AKAP6: variants seen among roughly 807,000 people sequenced by gnomAD.
The protein encoded by AKAP6 is A-kinase anchoring protein 6.
AKAP6 carries 58 observed loss-of-function variants against 188.5 expected under a neutral mutation model. The ratio of observed to expected loss-of-function variants is 0.31; its 90% CI spans 0.25 to 0.38. The LOEUF (loss-of-function observed/expected upper bound fraction) is 0.38, where lower values mean the gene tolerates loss of function less well. Among genes scored for constraint, AKAP6 ranks in the 10% least tolerant of loss-of-function variants. The pLI, the probability that AKAP6 is intolerant of heterozygous loss-of-function variation, is 1.00. For synonymous variants in AKAP6, 989 were observed against 998.6 expected (o/e 0.99, Z 0.18); for missense variants, 2,710 against 2,740.0 (o/e 0.99, Z 0.24).
chr14:32,831,563 C>T lies in AKAP6; in HGVS notation c.*1758C>T, dbSNP rs550350605. On this transcript the variant is annotated 3_prime_UTR_variant, in exon 14 of 14. Coordinates refer to ENST00000280979, the MANE Select transcript of AKAP6 (RefSeq NM_004274.5). The stretch of plus-strand genomic sequence containing the variant: ...CACTTTTTATCTGCAAGGCACTATT[C>T]TAGATCCAGAAGATGCAATGTTGAA... 7.9e-5 allele frequency: 12 copies of T among 152,220 alleles called. No individual in the cohort carries two copies. The highest frequency in any genetic ancestry group is 1.5e-4 in the Non-Finnish European group (10 of 68,044). 9.4% of individuals were successfully genotyped at this position (152,220 alleles called of 1,614,324 possible).
chr14:32,812,611 T>C (rs1254838319), intron 12 of AKAP6, among the ~76,000 whole-genome samples: 1 of 152,204 alleles, frequency 6.6e-6, no homozygotes, highest in Non-Finnish European at 1.5e-5. Context: ...TCAAGTTACT[T>C]CTAGTGAAAC....
At chr14:32,786,267 A>G (rs888028901) in intron 12 of AKAP6, among the ~76,000 whole-genome samples, 12 of 140,014 alleles carry the variant, frequency 8.6e-5, no homozygotes, top group Admixed American at 2.9e-4. Flanking sequence ...TTTCAGCTCT[A>G]CTTAGCCCTC....
chr14:32,691,918 C>G (rs998826660), intron 8 of AKAP6, among the ~76,000 whole-genome samples: 1 of 152,138 alleles, frequency 6.6e-6, no homozygotes, highest in African/African-American at 2.4e-5. Flanking sequence ...CAGGTCTTTT[C>G]CAACTTGTGG....
chr14:32,525,160 A>C (rs1594709171), intron 2 of AKAP6, among the ~76,000 whole-genome samples: 1 of 152,322 alleles, frequency 6.6e-6, no homozygotes, highest in Middle Eastern at 3.4e-3. Flanking sequence ...CATGTAGAAT[A>C]CTGAATGCAA....
intron 11 of AKAP6, among the ~76,000 whole-genome samples, chr14:32,762,922 A>C (rs1215796747): frequency 6.6e-6 from 1 of 152,098 alleles, no homozygotes; most frequent in African/African-American, 2.4e-5. Flanking sequence ...TTTAGACCTC[A>C]CTTATTTGTG....
intron 12 of AKAP6, among the ~76,000 whole-genome samples, chr14:32,791,468 CG>C (rs1242622927): frequency 2.6e-5 from 4 of 151,636 alleles, no homozygotes; most frequent in Admixed American, 2.6e-4. Context: ...TGGGGTGGGT[CG>C]TTTTTTTCTT....
chr14:32,426,636 G>A (rs1031052792), intron 1 of AKAP6, among the ~76,000 whole-genome samples: 1 of 152,124 alleles, frequency 6.6e-6, no homozygotes, highest in African/African-American at 2.4e-5. Flanking sequence ...TTGGGATGAG[G>A]GTGAGAAGTA....
intron 11 of AKAP6, among the ~76,000 whole-genome samples, chr14:32,747,240 G>C (rs1276316506): frequency 3.9e-5 from 6 of 152,130 alleles, no homozygotes; most frequent in Admixed American, 3.9e-4. Flanking sequence ...TGAAAGACAG[G>C]ATACAATGTT....
intron 4 of AKAP6, among the ~76,000 whole-genome samples, chr14:32,554,798 C>T (rs575840532): frequency 6.6e-6 from 1 of 152,284 alleles, no homozygotes; most frequent in South Asian, 2.1e-4. Flanking sequence ...TATGCCATCT[C>T]AGTGAAGCAT....
At chr14:32,510,464 A>ATATATATATACACATATATATACG (rs1566546951) in intron 2 of AKAP6, among the ~76,000 whole-genome samples, 9 of 70,084 alleles carry the variant, frequency 1.3e-4, no homozygotes, top group African/African-American at 4.8e-4. Context: ...ATATATGTGT[A>ATATATATATACACATATATATACG]TATATATATA....
At chr14:32,799,946 A>G (rs2033886137) in intron 12 of AKAP6, among the ~76,000 whole-genome samples, 2 of 151,500 alleles carry the variant, frequency 1.3e-5, no homozygotes, top group Non-Finnish European at 2.9e-5. Context: ...GTGGTGGCTC[A>G]TGCCTGTAAT....
intron 8 of AKAP6, among the ~76,000 whole-genome samples, chr14:32,690,927 C>A (rs1890153457): frequency 6.6e-6 from 1 of 152,138 alleles, no homozygotes; most frequent in South Asian, 2.1e-4. Context: ...CTTTATAACA[C>A]TTTCATAGAG....
chr14:32,372,464 T>G (rs1888037914), intron 1 of AKAP6, among the ~76,000 whole-genome samples: 1 of 152,108 alleles, frequency 6.6e-6, no homozygotes, highest in African/African-American at 2.4e-5. Flanking sequence ...GAAGTACTAG[T>G]CATCCAAATC....
chr14:32,603,417 T>C (rs1886012947), intron 7 of AKAP6, among the ~76,000 whole-genome samples: 1 of 152,112 alleles, frequency 6.6e-6, no homozygotes, highest in South Asian at 2.1e-4. Context: ...CCTTATTGTT[T>C]AGGGAGGCAT....
At position 32,507,309 on chromosome 14, in the gene AKAP6, G is replaced by A. The variant is rs536380983; in HGVS notation, c.325-28245G>A. Among the ~76,000 whole-genome samples the A allele has an allele frequency of 4.6e-5, 7 of 152,262 alleles. No individual in the cohort carries two copies. The East Asian group carries it at 1.4e-3, about 29-fold the overall frequency. On this transcript the variant is annotated intron_variant, in intron 2 of 13. Coordinates refer to ENST00000280979, the MANE Select transcript of AKAP6 (RefSeq NM_004274.5). ...CAGTAGTAATCACTAGGATAAGTAA[G>A]GTACAATTCTTCCCCTCAAAGACTT...
intron 12 of AKAP6, among the ~76,000 whole-genome samples, chr14:32,820,608 A>G (rs1279722300): frequency 6.6e-6 from 1 of 152,150 alleles, no homozygotes; most frequent in Admixed American, 6.6e-5. Context: ...AAGGACTAAC[A>G]GTAAGTAGTG....
At chr14:32,459,878 T>G (rs888969389) in intron 2 of AKAP6, among the ~76,000 whole-genome samples, 3 of 151,948 alleles carry the variant, frequency 2.0e-5, no homozygotes, top group Non-Finnish European at 2.9e-5. Context: ...GACATATTTT[T>G]CCCATAAATA....
chr14:32,535,477 G>A (rs905973786), intron 2 of AKAP6, 77 bp from the exon 3 acceptor site: 2 of 1,502,104 alleles, frequency 1.3e-6, no homozygotes, highest in Admixed American at 1.9e-5. Context: ...AGGTAAGAGT[G>A]TACTTTTCTA....
At chr14:32,829,356 A>G (rs2034764162) in intron 13 of AKAP6, among the ~76,000 whole-genome samples, 1 of 152,234 alleles carries the variant, frequency 6.6e-6, no homozygotes, top group Admixed American at 6.5e-5. Flanking sequence ...CCACTATACA[A>G]TAGTGGAATT....
Sources: gnomAD v4.1 joint callset for allele counts (sites outside exome capture counted in the v4.1 genomes callset) on GRCh38, gnomAD v4.1.1 for gene constraint, MANE v1.5 for transcripts, NCBI Gene and HGNC (gene_info 2026-07-23, HGNC 2026-07-21) for gene names.